LRRC49: variants seen among roughly 807,000 people sequenced by gnomAD.
LRRC49 encodes the protein leucine rich repeat containing 49.
LRRC49 carries 50 observed loss-of-function variants against 83.3 expected under a neutral mutation model. That is an observed-to-expected ratio of 0.60 (90% CI 0.48 to 0.76). The LOEUF (loss-of-function observed/expected upper bound fraction) is 0.76. LRRC49 is among the 30% of genes least tolerant of loss of function. The pLI, the probability that LRRC49 is intolerant of heterozygous loss-of-function variation, is 0.00. For synonymous variants in LRRC49, 286 were observed against 283.3 expected, an observed-to-expected ratio of 1.01 and a Z score of -0.10; for missense variants, 704 against 809.1, an observed-to-expected ratio of 0.87 and a Z score of 1.58.
At chr15:70,932,509 A>G (rs779855542) in intron 7 of LRRC49, among the ~76,000 whole-genome samples, 1 of 152,144 alleles carries the variant, frequency 6.6e-6, no homozygotes, top group Non-Finnish European at 1.5e-5. Context: ...GAAAGCCTAC[A>G]TAGTAAAAAT....
At chr15:70,955,182 A>G (rs1041492627) in intron 8 of LRRC49, among the ~76,000 whole-genome samples, 2 of 152,164 alleles carry the variant, frequency 1.3e-5, no homozygotes, top group African/African-American at 4.8e-5. Context: ...ACACATGGAT[A>G]TGGAGGGCCA....
intron 8 of LRRC49, among the ~76,000 whole-genome samples, chr15:70,946,839 A>AT (rs2036025444): frequency 6.6e-6 from 1 of 151,794 alleles, no homozygotes; most frequent in Middle Eastern, 3.4e-3. Context: ...TTCCTTGATG[A>AT]TTTTTTTCAT....
At chr15:70,904,853 G>T in intron 5 of LRRC49, 98 bp downstream of exon 5, 1 of 881,238 alleles carries the variant, frequency 1.1e-6, no homozygotes, top group Admixed American at 2.6e-5. Flanking sequence ...AAATGAATAG[G>T]CTAAAATTTT....
chr15:70,892,572 C>T, upstream of LRRC49: 3 of 1,485,834 alleles, frequency 2.0e-6, no homozygotes, highest in Non-Finnish European at 2.7e-6. Context: ...AGGAACGGAC[C>T]GGAAGTGGTG....
chr15:70,872,883 C>CT (rs781035902), intron 1 of LRRC49: 1,699 of 166,104 alleles, frequency 0.01, 15 homozygotes, highest in Middle Eastern at 0.019. Context: ...CTTGACATAA[C>CT]TTTTTTTTTT....
chr15:70,980,013 A>G, intron 9 of LRRC49, 88 bp from the exon 10 acceptor site: 3 of 758,402 alleles, frequency 4.0e-6, no homozygotes, highest in Non-Finnish European at 6.5e-6. Flanking sequence ...GCCTCTCAAG[A>G]AGAAAACTGT....
chr15:70,987,324 G>T (rs1455536642), intron 11 of LRRC49, among the ~76,000 whole-genome samples: 2 of 152,156 alleles, frequency 1.3e-5, no homozygotes, highest in Non-Finnish European at 2.9e-5. Flanking sequence ...CCTGTTATTG[G>T]TCTATTCAGA....
At chr15:71,033,116 T>C (rs976804065) in intron 14 of LRRC49, among the ~76,000 whole-genome samples, 3 of 152,186 alleles carry the variant, frequency 2.0e-5, no homozygotes, top group African/African-American at 4.8e-5. Context: ...GAAAACCCCA[T>C]TGTCTCAGCC....
chr15:70,901,893 T>C (rs2034096075), intron 4 of LRRC49, among the ~76,000 whole-genome samples: 2 of 152,146 alleles, frequency 1.3e-5, no homozygotes, highest in South Asian at 2.1e-4. Context: ...AGTAGCATGG[T>C]GGGTGAAGGA....
chr15:70,878,055 C>T (rs1402178291), intron 2 of LRRC49, among the ~76,000 whole-genome samples: 3 of 152,130 alleles, frequency 2.0e-5, no homozygotes, highest in South Asian at 2.1e-4. Flanking sequence ...ATGGCGTGAA[C>T]CCGGGAGGCA....
intron 14 of LRRC49, among the ~76,000 whole-genome samples, chr15:71,034,241 C>A (rs907671765): frequency 3.9e-5 from 6 of 152,124 alleles, no homozygotes; most frequent in African/African-American, 1.4e-4. Flanking sequence ...GCAGACACTT[C>A]TCAAAAGAAG....
At chr15:70,985,308 T>G (rs1567083920) in intron 11 of LRRC49, among the ~76,000 whole-genome samples, 1 of 151,432 alleles carries the variant, frequency 6.6e-6, no homozygotes. Flanking sequence ...CCTGACTTTT[T>G]AATGATTGCC....
chr15:70,989,916 G>C (rs2037794665), intron 11 of LRRC49, among the ~76,000 whole-genome samples: 1 of 152,130 alleles, frequency 6.6e-6, no homozygotes, highest in Non-Finnish European at 1.5e-5. Flanking sequence ...TGTTTGCCTG[G>C]GTACCAGCAG....
chr15:70,860,354 A>C (rs537686632), intron 1 of LRRC49, among the ~76,000 whole-genome samples: 1 of 152,152 alleles, frequency 6.6e-6, no homozygotes, highest in Non-Finnish European at 1.5e-5. Flanking sequence ...AAACAATTCA[A>C]TTGCTTTTTA....
intron 15 of LRRC49, among the ~76,000 whole-genome samples, chr15:71,047,139 TC>T (rs2039876421): frequency 6.6e-6 from 1 of 152,200 alleles, no homozygotes; most frequent in South Asian, 2.1e-4. Context: ...CTGGCTTTGT[TC>T]TTTTTGCTTA....
chr15:70,991,210 A>G (rs1025941944), intron 11 of LRRC49, among the ~76,000 whole-genome samples: 2 of 152,360 alleles, frequency 1.3e-5, no homozygotes, highest in African/African-American at 4.8e-5. Context: ...TTTATGAGCA[A>G]TGCTGAATGC....
chr15:70,968,444 C>G (rs11639104), intron 9 of LRRC49, among the ~76,000 whole-genome samples: 1 of 152,036 alleles, frequency 6.6e-6, no homozygotes, highest in Non-Finnish European at 1.5e-5. Flanking sequence ...AATAAACATA[C>G]GTATGCATGT....
chr15:71,016,922 A>C lies in LRRC49; in HGVS notation c.1703+4009A>C, dbSNP rs574739110. On this transcript the variant is annotated intron_variant, in intron 14 of 15. Transcript: ENST00000260382. Reference sequence around the variant, plus strand: ...GGAGTTTGAGACCAGCCTGGGCAACATGGCAAGACTCCATCTCTACAAAAA... The same window carrying C: ...GGAGTTTGAGACCAGCCTGGGCAACCTGGCAAGACTCCATCTCTACAAAAA... Among the ~76,000 whole-genome samples the C allele has an allele frequency of 6.6e-5, 10 of 152,132 alleles. No homozygotes were observed. The South Asian group carries it at 1.9e-3, about 28-fold the overall frequency.
chr15:71,039,591 T>C (rs553728015), intron 15 of LRRC49, among the ~76,000 whole-genome samples: 5 of 152,292 alleles, frequency 3.3e-5, no homozygotes, highest in Admixed American at 1.3e-4. Flanking sequence ...AATACTACAA[T>C]GCAAATGCCA....
Sources: gnomAD v4.1 joint callset for allele counts (sites outside exome capture counted in the v4.1 genomes callset) on GRCh38, gnomAD v4.1.1 for gene constraint, MANE v1.5 for transcripts, NCBI Gene and HGNC (gene_info 2026-07-23, HGNC 2026-07-21) for gene names.